ACVR1C: variants seen among roughly 807,000 people sequenced by gnomAD.
ACVR1C encodes activin receptor type-1C.
ACVR1C carries 23 observed loss-of-function variants against 57.9 expected under a neutral mutation model. The observed-to-expected ratio is 0.40, with a 90% CI of 0.29 to 0.56. ACVR1C has a LOEUF of 0.56. Ranked by LOEUF, ACVR1C falls within the 20% of genes least tolerant of loss-of-function variation. The pLI is 0.50. For missense variants in ACVR1C, 480 were observed against 607.9 expected, an observed-to-expected ratio of 0.79 and a Z score of 2.21; for synonymous variants, 214 against 215.3, an observed-to-expected ratio of 0.99 and a Z score of 0.05.
intron 1 of ACVR1C, among the ~76,000 whole-genome samples, chr2:157,621,856 C>T (rs1682780419): frequency 6.6e-6 from 1 of 152,214 alleles, no homozygotes; most frequent in African/African-American, 2.4e-5. Flanking sequence ...GGGTTTATCA[C>T]AGCTCCTCTA....
intron 2 of ACVR1C, among the ~76,000 whole-genome samples, chr2:157,563,629 A>G (rs1333629643): frequency 6.6e-6 from 1 of 152,232 alleles, no homozygotes; most frequent in Non-Finnish European, 1.5e-5. Flanking sequence ...TAAATTTCAT[A>G]TGGAACCAAA....
chr2:157,608,550 A>G (rs1682459575), intron 1 of ACVR1C, among the ~76,000 whole-genome samples: 1 of 151,870 alleles, frequency 6.6e-6, no homozygotes, highest in South Asian at 2.1e-4. Flanking sequence ...TAGTTTTAGG[A>G]TAACTGGTAT....
rs1359613346 is a variant in ACVR1C at position 157,527,877 on chromosome 2, A to C, written c.*6041T>G. On this transcript the variant is annotated 3_prime_UTR_variant, in exon 9 of 9. Coordinates refer to ENST00000243349, the MANE Select transcript of ACVR1C (RefSeq NM_145259.3). ...GCAAAGTCAGTAATTAGCTCCATGC[A>C]TAGAATGAAAACTGTATGGACGATA... The C allele has an allele frequency of 6.6e-6, 1 of 152,200 alleles. No homozygotes were observed. Among genetic ancestry groups the C allele is most frequent in the African/African-American group, 2.4e-5 (1 of 41,452 alleles). 9.4% of individuals were successfully genotyped at this position (152,200 alleles called of 1,614,324 possible).
At chr2:157,582,907 T>A (rs1301975166) in intron 2 of ACVR1C, among the ~76,000 whole-genome samples, 1 of 152,202 alleles carries the variant, frequency 6.6e-6, no homozygotes, top group Non-Finnish European at 1.5e-5. Flanking sequence ...TGAAATAGTG[T>A]CTCACTCTGT....
At position 157,555,038 on chromosome 2, in the gene ACVR1C, T is replaced by C. The variant is rs1361473394; in HGVS notation, c.544+1055A>G. 4.0e-5 allele frequency among the ~76,000 whole-genome samples: 6 copies of C among 151,172 alleles called. No homozygotes were observed. The East Asian group carries it at 1.2e-3, about 29-fold the overall frequency. Reference sequence around the variant, plus strand: ...AAATAAAAATAAAAATAAAAAACCTTCAAATGCTTTGTGTTGTGAGAAAGG... The same window carrying C: ...AAATAAAAATAAAAATAAAAAACCTCCAAATGCTTTGTGTTGTGAGAAAGG... On this transcript the variant is annotated intron_variant, in intron 3 of 8. Transcript: ENST00000243349.
Position 157,554,205 on chromosome 2 carries a change from A to AAGAAAGAAAGAAAGAG in ACVR1C, c.544+1887_544+1888insCTCTTTCTTTCTTTCT, listed in dbSNP as rs1688000577. ...AAAAAAAAAAAATAAAGAAGAGAGA[A>AAGAAAGAAAGAAAGAG]AGAAAGAAAGAAAGAAAGAAAGAAA... On this transcript the variant is annotated intron_variant, in intron 3 of 8. Transcript: ENST00000243349. Among the ~76,000 whole-genome samples the AAGAAAGAAAGAAAGAG allele has an allele frequency of 1.3e-4, 9 of 68,730 alleles. 1 individual carries two copies. In the South Asian group the frequency reaches 3.9e-3, roughly 30 times the overall value. 45.1% of individuals were successfully genotyped at this position (68,730 alleles called of 152,430 possible).
At chr2:157,582,005 G>A (rs1029724838) in intron 2 of ACVR1C, among the ~76,000 whole-genome samples, 15 of 152,088 alleles carry the variant, frequency 9.9e-5, no homozygotes, top group East Asian at 1.9e-4. Flanking sequence ...CTGAAAGTCC[G>A]CAACTTTTTC....
At chr2:157,626,920 G>T (rs1338273476) in intron 1 of ACVR1C, among the ~76,000 whole-genome samples, 3 of 152,076 alleles carry the variant, frequency 2.0e-5, no homozygotes, top group Non-Finnish European at 4.4e-5. Flanking sequence ...TTTTAAGTGA[G>T]CGACTTTGAA....
chr2:157,593,278 A>T (rs1345558868), intron 1 of ACVR1C, among the ~76,000 whole-genome samples: 1 of 152,190 alleles, frequency 6.6e-6, no homozygotes, highest in East Asian at 1.9e-4. Context: ...TGCTATTCTT[A>T]TTAGAAAGCC....
chr2:157,578,090 A>C (rs936523399), intron 2 of ACVR1C, among the ~76,000 whole-genome samples: 13 of 152,028 alleles, frequency 8.6e-5, no homozygotes, highest in Non-Finnish European at 2.9e-5. Context: ...ATTTTTGTAG[A>C]AGCAGGGTCT....
In ACVR1C at chr2:157,582,379, C is replaced by G. The variant is rs553737175; in HGVS notation, c.304+4808G>C. ...TTGTAGACATTAATTAGTGGCCAGA[C>G]AACACGTATCTTCCCTATTATAGAT... On this transcript the variant is annotated intron_variant, in intron 2 of 8. Transcript: ENST00000243349. 2.0e-5 allele frequency among the ~76,000 whole-genome samples: 3 copies of G among 152,214 alleles called. No homozygotes were observed. In the South Asian group the frequency reaches 6.2e-4, roughly 32 times the overall value.
At chr2:157,600,803 G>C (rs1682260975) in intron 1 of ACVR1C, among the ~76,000 whole-genome samples, 1 of 152,120 alleles carries the variant, frequency 6.6e-6, no homozygotes, top group South Asian at 2.1e-4. Context: ...TCCTAGCTGA[G>C]CATCTTTCCA....
intron 1 of ACVR1C, among the ~76,000 whole-genome samples, chr2:157,602,183 A>G (rs575834348): frequency 4.5e-4 from 69 of 152,376 alleles, no homozygotes; most frequent in African/African-American, 1.6e-3. Context: ...TAACTGGAAC[A>G]TTAACTCACA....
At chr2:157,608,167 T>G (rs1205943690) in intron 1 of ACVR1C, among the ~76,000 whole-genome samples, 2 of 151,872 alleles carry the variant, frequency 1.3e-5, no homozygotes, top group African/African-American at 4.8e-5. Context: ...CTCCTATGCC[T>G]AGATTATTGA....
intron 1 of ACVR1C, among the ~76,000 whole-genome samples, chr2:157,619,754 A>G (rs960501277): frequency 2.0e-5 from 3 of 152,040 alleles, no homozygotes; most frequent in Non-Finnish European, 4.4e-5. Flanking sequence ...TAATGAAGAG[A>G]AGAAAATAAC....
At position 157,556,260 on chromosome 2, in the gene ACVR1C, G is replaced by A; in HGVS notation, c.377C>T (p.Ser126Phe). ...IIITVPVCLL[S>F]IAAMLTVWAC... ...CCATACTGTCAGCATCGCAGCTATG[G>A]ACAGGAGGCAAACAGGCACAGTAAT... The change falls in exon 3 of 9, where the codon TCC (serine) becomes TTC (phenylalanine). Residue 126 changes from serine to phenylalanine, a missense_variant. Transcript: ENST00000243349. 2.5e-6 allele frequency: 4 copies of A among 1,614,152 alleles called. No individual in the cohort carries two copies. Among genetic ancestry groups the A allele is most frequent in the Non-Finnish European group, 2.5e-6 (3 of 1,180,038 alleles).
At chr2:157,595,023 T>C (rs947681194) in intron 1 of ACVR1C, among the ~76,000 whole-genome samples, 2 of 152,234 alleles carry the variant, frequency 1.3e-5, no homozygotes, top group Admixed American at 6.5e-5. Flanking sequence ...AGCGTGGTGA[T>C]TAACTGAAAT....
At chr2:157,575,260 G>A (rs1688616469) in intron 2 of ACVR1C, among the ~76,000 whole-genome samples, 1 of 151,924 alleles carries the variant, frequency 6.6e-6, no homozygotes, top group African/African-American at 2.4e-5. Context: ...TCCTGAGTGA[G>A]TAGCTGGGAT....
chr2:157,539,382 T>C (rs1013938163), intron 7 of ACVR1C, among the ~76,000 whole-genome samples: 87 of 152,310 alleles, frequency 5.7e-4, no homozygotes, highest in African/African-American at 2.0e-3. Flanking sequence ...ATTATTAGAA[T>C]ACTACTTAAA....
Sources: gnomAD v4.1 joint callset for allele counts (sites outside exome capture counted in the v4.1 genomes callset) on GRCh38, gnomAD v4.1.1 for gene constraint, MANE v1.5 for transcripts, NCBI Gene and HGNC (gene_info 2026-07-23, HGNC 2026-07-21) for gene names.